The following RBFOX1 variants were observed in gnomAD, a reference collection of about 807,000 sequenced individuals.
RBFOX1 encodes the protein RNA binding fox-1 homolog 1.
Under a neutral mutation model 57.7 loss-of-function variants are expected in RBFOX1, and 8 were observed. That is an observed-to-expected ratio of 0.14 (90% CI 0.08 to 0.25). RBFOX1 has a LOEUF of 0.25. Ranked by LOEUF, RBFOX1 falls within the 10% of genes least tolerant of loss-of-function variation. The probability of loss-of-function intolerance (pLI) is 1.00; values close to 1 mark genes in which losing one functional copy is unlikely to be tolerated. For synonymous variants in RBFOX1, 326 were observed against 222.4 expected (o/e 1.47, Z -4.15); for missense variants, 611 against 548.5 (o/e 1.11, Z -1.14).
intron 4 of RBFOX1, among the ~76,000 whole-genome samples, chr16:7,260,948 A>G (rs546770458): frequency 6.6e-6 from 1 of 152,324 alleles, no homozygotes; most frequent in East Asian, 1.9e-4. Context: ...CCAAACACCT[A>G]CAGCCCCTTC....
At position 7,712,878 on chromosome 16, in the gene RBFOX1, G is replaced by C. The variant is rs943329689; in HGVS notation, c.*2133G>C. On this transcript the variant is annotated 3_prime_UTR_variant, in exon 16 of 16. Transcript: ENST00000550418. ...TATTGTGTTTCGAATCACAAACATA[G>C]AATTCTTACTGTGTTGGTTAAAGTA... 1.3e-5 allele frequency: 2 copies of C among 152,170 alleles called. No homozygotes were observed. Among genetic ancestry groups the C allele is most frequent in the African/African-American group, 4.8e-5 (2 of 41,450 alleles). The allele number at this position is 152,170 out of a possible 1,614,324, so 9.4% of individuals were successfully genotyped here. A position where few individuals can be genotyped will look rare whatever the true frequency, so the allele number is the denominator to read the frequency against.
chr16:5,480,564 C>T (rs1238229816), intron 2 of RBFOX1, among the ~76,000 whole-genome samples: 1 of 152,240 alleles, frequency 6.6e-6, no homozygotes, highest in African/African-American at 2.4e-5. Context: ...TTCGCCCAGT[C>T]CACCAGCCCA....
intron 5 of RBFOX1, among the ~76,000 whole-genome samples, chr16:7,566,572 T>C (rs34059275): frequency 0.35 from 53,763 of 151,980 alleles, 10,435 homozygotes; most frequent in Non-Finnish European, 0.44. Flanking sequence ...TCAGTTTTCC[T>C]AGTTGTTATG....
chr16:6,314,664 G>A (rs570108853), intron 1 of RBFOX1, among the ~76,000 whole-genome samples: 49 of 152,242 alleles, frequency 3.2e-4, no homozygotes, highest in Admixed American at 6.5e-5. Flanking sequence ...CAGGAAAGAG[G>A]GGGTAGGAGC....
At chr16:7,577,666 G>A (rs2093441835) in intron 5 of RBFOX1, among the ~76,000 whole-genome samples, 1 of 152,234 alleles carries the variant, frequency 6.6e-6, no homozygotes, top group South Asian at 2.1e-4. Context: ...GGGAGGCAGA[G>A]GCAGAGGCAG....
intron 14 of RBFOX1, among the ~76,000 whole-genome samples, chr16:7,684,560 T>A (rs746697809): frequency 4.0e-5 from 6 of 151,864 alleles, no homozygotes; most frequent in Non-Finnish European, 7.4e-5. Flanking sequence ...ATTATAGAAA[T>A]ATGCCACACA....
chr16:6,779,815 A>T (rs1488295222), intron 3 of RBFOX1, among the ~76,000 whole-genome samples: 26 of 33,294 alleles, frequency 7.8e-4, no homozygotes, highest in East Asian at 3.2e-3. Context: ...ATTTATATAT[A>T]TATTTATATA....
intron 1 of RBFOX1, among the ~76,000 whole-genome samples, chr16:5,442,511 T>G (rs1597084390): frequency 6.6e-6 from 1 of 152,000 alleles, no homozygotes; most frequent in African/African-American, 2.4e-5. Context: ...ATGAGGCTGG[T>G]GAGGATGATA....
chr16:6,209,962 T>G (rs1190211570), intron 1 of RBFOX1, among the ~76,000 whole-genome samples: 1 of 152,168 alleles, frequency 6.6e-6, no homozygotes, highest in Non-Finnish European at 1.5e-5. Flanking sequence ...ACTTTTTGTT[T>G]GTTTTTTTAC....
At chr16:7,039,095 C>G (rs1168945990) in intron 3 of RBFOX1, among the ~76,000 whole-genome samples, 1 of 152,056 alleles carries the variant, frequency 6.6e-6, no homozygotes, top group Non-Finnish European at 1.5e-5. Flanking sequence ...AGATAGCACC[C>G]CATAGGTCAT....
At chr16:5,576,683 C>G (rs1402178175) in intron 2 of RBFOX1, among the ~76,000 whole-genome samples, 1 of 152,214 alleles carries the variant, frequency 6.6e-6, no homozygotes, top group Non-Finnish European at 1.5e-5. Context: ...CTCTTTGGTG[C>G]TTCTTGCCTT....
At chr16:5,953,704 T>TATATATATA (rs1567185331) in intron 4 of RBFOX1, among the ~76,000 whole-genome samples, 1 of 138,688 alleles carries the variant, frequency 7.2e-6, no homozygotes. Flanking sequence ...GTCTTCTGTC[T>TATATATATA]TATATATATA....
intron 3 of RBFOX1, among the ~76,000 whole-genome samples, chr16:6,936,177 A>G (rs1014404927): frequency 2.0e-5 from 3 of 152,122 alleles, no homozygotes; most frequent in African/African-American, 7.2e-5. Flanking sequence ...AGTCATTGCG[A>G]GTTGTGCAAG....
Position 6,940,284 on chromosome 16 carries a change from A to G in RBFOX1, c.-15-111773A>G, listed in dbSNP as rs2078140458. On this transcript the variant is annotated intron_variant, in intron 3 of 15. Coordinates refer to ENST00000550418, the MANE Select transcript of RBFOX1 (RefSeq NM_018723.4). ...GGCATGAGTCCTTGTTGCTGCCCAT[A>G]TAGGAAGGGGCTGCTGTGAGTTGCT... is the stretch of plus-strand genomic sequence containing the variant. Among the ~76,000 whole-genome samples, 4 of 152,202 alleles carry G rather than the reference A, an allele frequency of 2.6e-5. No homozygotes were observed. The South Asian group carries it at 6.2e-4, about 24-fold the overall frequency.
intron 11 of RBFOX1, among the ~76,000 whole-genome samples, chr16:7,648,703 G>C (rs1271316284): frequency 6.6e-6 from 1 of 152,188 alleles, no homozygotes; most frequent in African/African-American, 2.4e-5. Flanking sequence ...GGAAGGGTGA[G>C]ATGTGATGAA....
chr16:5,689,968 A>G (rs1183213006), intron 3 of RBFOX1, among the ~76,000 whole-genome samples: 1 of 152,210 alleles, frequency 6.6e-6, no homozygotes, highest in East Asian at 1.9e-4. Flanking sequence ...GCAGAGAGAC[A>G]GCAGGGGAGT....
rs980071678 is a variant in RBFOX1 at position 6,252,839 on chromosome 16, C to T, written c.-126-64156C>T. Among the ~76,000 whole-genome samples, 6 of 152,046 alleles carry T rather than the reference C, an allele frequency of 3.9e-5. No homozygotes were observed. In the South Asian group the frequency reaches 1.0e-3, roughly 26 times the overall value. On this transcript the variant is annotated intron_variant, in intron 1 of 15. Coordinates refer to ENST00000550418, the MANE Select transcript of RBFOX1 (RefSeq NM_018723.4). The stretch of plus-strand genomic sequence containing the variant: ...ACCACATTCTGAACATGTTGCTGTT[C>T]GATGGGTGTGAATGGATCGTGTAGG...
chr16:5,750,516 C>G (rs1297451741), intron 3 of RBFOX1, among the ~76,000 whole-genome samples: 1 of 152,236 alleles, frequency 6.6e-6, no homozygotes, highest in African/African-American at 2.4e-5. Context: ...GGGCTCCACA[C>G]AGTTGGAGCT....
Position 7,100,776 on chromosome 16 carries a change from A to G in RBFOX1, c.27+48678A>G, listed in dbSNP as rs111895434. Among the ~76,000 whole-genome samples the G allele has an allele frequency of 3.1e-3, 466 of 152,240 alleles. 3 individuals carry two copies. Among genetic ancestry groups the G allele is most frequent in the African/African-American group, 0.011 (448 of 41,550 alleles). ...GATCCAATGGCCGTAAATATAGGAC[A>G]CTGTGTTCACCCTCTCCAATGTCAG... On this transcript the variant is annotated intron_variant, in intron 4 of 15. Coordinates refer to ENST00000550418, the MANE Select transcript of RBFOX1 (RefSeq NM_018723.4).
Sources: allele counts gnomAD v4.1 joint callset (sites outside exome capture counted in the v4.1 genomes callset), GRCh38; gene constraint gnomAD v4.1.1; transcripts MANE v1.5; gene names NCBI Gene and HGNC (gene_info 2026-07-23, HGNC 2026-07-21).